Variants in RRM2B observed in about 807,000 individuals in gnomAD.
RRM2B encodes the protein ribonucleotide reductase regulatory TP53 inducible subunit M2B.
RRM2B carries 20 observed loss-of-function variants against 45.9 expected under a neutral mutation model. That is an observed-to-expected ratio of 0.44 (90% confidence interval 0.31 to 0.63). RRM2B has a LOEUF of 0.63. RRM2B is among the 30% of genes least tolerant of loss of function. The pLI is 0.09. For synonymous variants in RRM2B, 124 were observed against 132.3 expected (o/e 0.94, Z 0.43); for missense variants, 320 against 414.7 (o/e 0.77, Z 1.98).
At position 102,206,963 on chromosome 8, in the gene RRM2B, A is replaced by T. The variant is rs1394183195; in HGVS notation, c.*1170T>A. 6.6e-6 allele frequency: 1 copy of T among 152,336 alleles called. No homozygotes were observed. Among genetic ancestry groups the T allele is most frequent in the East Asian group, 1.9e-4 (1 of 5,188 alleles). The allele number at this position is 152,336 out of a possible 1,614,324, so 9.4% of individuals were successfully genotyped here. A position where few individuals can be genotyped will look rare whatever the true frequency, so the allele number is the denominator to read the frequency against. On this transcript the variant is annotated 3_prime_UTR_variant, in exon 9 of 9. Coordinates refer to ENST00000251810, the MANE Select transcript of RRM2B (RefSeq NM_015713.5). ...CTGGTACACTATTCAGGCTGGTATAAATTTGAAATGATTCAATAATCCCTA... is the reference window on the plus strand; with the variant it reads ...CTGGTACACTATTCAGGCTGGTATATATTTGAAATGATTCAATAATCCCTA...
intron 6 of RRM2B, among the ~76,000 whole-genome samples, chr8:102,216,058 T>A (rs1810726012): frequency 6.6e-6 from 1 of 151,410 alleles, no homozygotes; most frequent in Non-Finnish European, 1.5e-5. Flanking sequence ...TATGAAACTA[T>A]AATAATTAAA....
At chr8:102,217,531 TTGAAGAAAC>T (rs1027128987) in intron 6 of RRM2B, among the ~76,000 whole-genome samples, 38 of 152,282 alleles carry the variant, frequency 2.5e-4, no homozygotes, top group Admixed American at 4.6e-4. Flanking sequence ...AGTTTTATAG[TTGAAGAAAC>T]CAAGGTTCAG....
At chr8:102,229,296 G>T (rs1554612130) in intron 2 of RRM2B, among the ~76,000 whole-genome samples, 1 of 151,386 alleles carries the variant, frequency 6.6e-6, no homozygotes, top group Non-Finnish European at 1.5e-5. Context: ...AACCCACAAA[G>T]CCTCAAGCCT....
In RRM2B at chr8:102,231,013, A is replaced by G. The variant is rs59312502; in HGVS notation, c.204+1136T>C. Among the ~76,000 whole-genome samples the G allele has an allele frequency of 2.4e-3, 367 of 152,358 alleles. 1 individual carries two copies. The highest frequency in any genetic ancestry group is 8.2e-3 in the African/African-American group (340 of 41,578). ...TTAACAGCATGTGTTTAACATTTAT[A>G]GAATTAATGTCTTGAAAAATAGATT... On this transcript the variant is annotated intron_variant, in intron 2 of 8. Coordinates refer to ENST00000251810, the MANE Select transcript of RRM2B (RefSeq NM_015713.5).
chr8:102,217,168 G>A (rs916322008), intron 6 of RRM2B, among the ~76,000 whole-genome samples: 5 of 151,924 alleles, frequency 3.3e-5, no homozygotes, highest in Admixed American at 6.5e-5. Context: ...TTTTCAAAAG[G>A]TGCTTAATGC....
rs1007453555 is a variant in RRM2B at position 102,207,988 on chromosome 8, C to T, written c.*145G>A. On this transcript the variant is annotated 3_prime_UTR_variant, in exon 9 of 9. Coordinates refer to ENST00000251810, the MANE Select transcript of RRM2B (RefSeq NM_015713.5). ...GTTAAACAGGAAAATTATATAAATGCAAATTGTTTAGAATAGGTTTTGGAT... is the reference window on the plus strand; with the variant it reads ...GTTAAACAGGAAAATTATATAAATGTAAATTGTTTAGAATAGGTTTTGGAT... 4.7e-6 allele frequency: 3 copies of T among 644,006 alleles called. No homozygotes were observed. The highest frequency in any genetic ancestry group is 8.1e-6 in the Non-Finnish European group (3 of 369,206). The allele number at this position is 644,006 out of a possible 1,614,324, so 39.9% of individuals were successfully genotyped here.
At position 102,224,307 on chromosome 8, in the gene RRM2B, G is replaced by A. The variant is rs191320542; in HGVS notation, c.456-167C>T. 7.9e-5 allele frequency among the ~76,000 whole-genome samples: 12 copies of A among 151,088 alleles called. No individual in the cohort carries two copies. In the East Asian group the frequency reaches 1.4e-3, roughly 17 times the overall value. On this transcript the variant is annotated intron_variant, in intron 4 of 8. Transcript: ENST00000251810. ...TGCCATTCTCCTGCCTCAGCCTCCCGAGTAGCTAGGACGACAGGTGCCCGC... is the reference window on the plus strand; with the variant it reads ...TGCCATTCTCCTGCCTCAGCCTCCCAAGTAGCTAGGACGACAGGTGCCCGC...
Position 102,232,256 on chromosome 8 carries a change from G to A in RRM2B, c.97C>T (p.Pro33Ser), listed in dbSNP as rs387906892. ...CGGCGAGAACTCTTTCTTAGGAGTGGCTCTTCATTTGACTTTATTTCACTT... is the reference window on the plus strand; with the variant it reads ...CGGCGAGAACTCTTTCTTAGGAGTGACTCTTCATTTGACTTTATTTCACTT... Reference protein sequence around the residue: ...NESEIKSNEEPLLRKSSRRFV... With the variant: ...NESEIKSNEESLLRKSSRRFV... Residue 33 changes from proline (P) to serine (S), a missense_variant, in exon 2 of 9, where the codon CCA becomes TCA. By Grantham distance (74) the Pro-to-Ser change is moderately conservative. Around this residue, in one of 3 missense-constraint regions of RRM2B, gnomAD observed 225 missense variants for 289.4 expected, o/e 0.78. Coordinates refer to ENST00000251810, the MANE Select transcript of RRM2B (RefSeq NM_015713.5). 16 of 1,614,040 alleles carry A rather than the reference G, an allele frequency of 9.9e-6. No homozygotes were observed. In the East Asian group the frequency reaches 3.1e-4, roughly 31 times the overall value.
chr8:102,223,934 T>C lies in RRM2B; in HGVS notation c.550+112A>G, dbSNP rs193129592. On this transcript the variant is annotated intron_variant, in intron 5 of 8. Transcript: ENST00000251810. ...TTGGTAAAGGTGCATTTGAGACATT[T>C]GTACTCCTTTTCCATGCTGTAACTT... 7.4e-6 allele frequency: 6 copies of C among 805,900 alleles called. No homozygotes were observed. In the Admixed American group the frequency reaches 1.0e-4, roughly 14 times the overall value. The allele number at this position is 805,900 out of a possible 1,614,324, so 49.9% of individuals were successfully genotyped here. A position where few individuals can be genotyped will look rare whatever the true frequency, so the allele number is the denominator to read the frequency against.
chr8:102,213,411 T>C (rs1398607879), intron 7 of RRM2B, among the ~76,000 whole-genome samples: 1 of 152,136 alleles, frequency 6.6e-6, no homozygotes, highest in Non-Finnish European at 1.5e-5. Flanking sequence ...TAAAAATATA[T>C]TAACCACTTG....
chr8:102,208,434 A>T, intron 8 of RRM2B, 149 bp from the exon 9 acceptor site: 1 of 661,580 alleles, frequency 1.5e-6, no homozygotes, highest in Non-Finnish European at 2.6e-6. Context: ...CCCTGGAGGT[A>T]CTCAAGGCTG....
Position 102,205,137 on chromosome 8 carries a change from T to G in RRM2B, c.*2996A>C, listed in dbSNP as rs962644012. The G allele has an allele frequency of 6.6e-6, 1 of 152,204 alleles. No homozygotes were observed. The highest frequency in any genetic ancestry group is 1.5e-5 in the Non-Finnish European group (1 of 68,018). The allele number at this position is 152,204 out of a possible 1,614,324, so 9.4% of individuals were successfully genotyped here. ...CTTGGTTTAAAAACATAATACCTGA[T>G]TGTAGGATTAATTTGGCTTTTATTT... On this transcript the variant is annotated 3_prime_UTR_variant, in exon 9 of 9. Transcript: ENST00000251810.
intron 8 of RRM2B, among the ~76,000 whole-genome samples, chr8:102,209,695 C>G (rs575220973): frequency 6.6e-6 from 1 of 152,160 alleles, no homozygotes; most frequent in Admixed American, 6.6e-5. Flanking sequence ...TTCATAGTAG[C>G]ATTATTCACA....
intron 2 of RRM2B, among the ~76,000 whole-genome samples, chr8:102,231,012 T>C (rs1451067728): frequency 1.3e-5 from 2 of 152,224 alleles, no homozygotes; most frequent in African/African-American, 4.8e-5. Flanking sequence ...TTAACATTTA[T>C]AGAATTAATG....
chr8:102,229,190 T>C (rs940651906), intron 2 of RRM2B, among the ~76,000 whole-genome samples: 2 of 151,612 alleles, frequency 1.3e-5, no homozygotes, highest in East Asian at 1.9e-4. Context: ...GAGGAGGAGG[T>C]TGCAGTGAGC....
chr8:102,219,470 C>A (rs1810790824), intron 5 of RRM2B, among the ~76,000 whole-genome samples: 1 of 152,148 alleles, frequency 6.6e-6, no homozygotes, highest in South Asian at 2.1e-4. Flanking sequence ...ATAAACCCAA[C>A]TGAGGATAAT....
At chr8:102,220,842 A>G (rs767039430) in intron 5 of RRM2B, among the ~76,000 whole-genome samples, 7 of 152,240 alleles carry the variant, frequency 4.6e-5, no homozygotes, top group Non-Finnish European at 8.8e-5. Context: ...TTAAAGGATT[A>G]TAAGTGGTAC....
At chr8:102,227,168 A>T (rs933958530) in intron 2 of RRM2B, among the ~76,000 whole-genome samples, 3 of 151,608 alleles carry the variant, frequency 2.0e-5, no homozygotes, top group Non-Finnish European at 4.4e-5. Context: ...TTTTTTTTTT[A>T]AAGCAGTTTA....
chr8:102,209,228 A>G (rs1810595895), intron 8 of RRM2B, among the ~76,000 whole-genome samples: 1 of 152,184 alleles, frequency 6.6e-6, no homozygotes, highest in Non-Finnish European at 1.5e-5. Flanking sequence ...ATTCACAAGG[A>G]GTAACAAAAG....
Sources: allele counts gnomAD v4.1 joint callset (sites outside exome capture counted in the v4.1 genomes callset), GRCh38; gene constraint gnomAD v4.1.1; regional missense constraint gnomAD v4.1.1; transcripts MANE v1.5; gene names NCBI Gene and HGNC (gene_info 2026-07-23, HGNC 2026-07-21).